Variants in ANO4 observed in about 807,000 individuals in gnomAD.
ANO4 encodes anoctamin 4.
In ANO4, 69 loss-of-function variants were observed where a neutral mutation model predicts 141.9. The observed-to-expected ratio is 0.49, with a 90% confidence interval of 0.40 to 0.59. The LOEUF is 0.59. Among genes scored for constraint, ANO4 ranks in the 20% least tolerant of loss-of-function variants. The pLI is 0.00. For synonymous variants in ANO4, 350 were observed against 394.3 expected (o/e 0.89, Z 1.33); for missense variants, 894 against 1,162.2 (o/e 0.77, Z 3.36).
At chr12:100,945,314 T>C (rs1354151861) in intron 5 of ANO4, among the ~76,000 whole-genome samples, 5 of 152,226 alleles carry the variant, frequency 3.3e-5, no homozygotes, top group Non-Finnish European at 1.5e-5. Flanking sequence ...TAGTCAAGTT[T>C]AATCTTTCTT....
At position 100,998,193 on chromosome 12, in the gene ANO4, G is replaced by A. The variant is rs117392700; in HGVS notation, c.734+10523G>A. 1.7e-3 allele frequency among the ~76,000 whole-genome samples: 262 copies of A among 152,238 alleles called. 4 individuals carry two copies. In the East Asian group the frequency reaches 0.025, roughly 14 times the overall value. The stretch of plus-strand genomic sequence containing the variant: ...ATAAAGCAGGCAGAAAAAACGTGAA[G>A]AGGCGAGACTGGCCTAGTCTCCTAG... On this transcript the variant is annotated intron_variant, in intron 8 of 27. Transcript: ENST00000392977.
At chr12:100,767,524 T>C (rs1443402030) in intron 3 of ANO4, among the ~76,000 whole-genome samples, 1 of 152,212 alleles carries the variant, frequency 6.6e-6, no homozygotes, top group Non-Finnish European at 1.5e-5. Flanking sequence ...ACCATGATGG[T>C]TAATCTGATA....
chr12:101,120,919 C>T (rs146454653), intron 26 of ANO4, among the ~76,000 whole-genome samples: 3 of 152,182 alleles, frequency 2.0e-5, no homozygotes, highest in Non-Finnish European at 4.4e-5. Flanking sequence ...GCAGTTTTTC[C>T]ATCCTCACTC....
intron 1 of ANO4, among the ~76,000 whole-genome samples, chr12:100,795,302 C>T (rs894463355): frequency 6.6e-6 from 1 of 152,152 alleles, no homozygotes; most frequent in Non-Finnish European, 1.5e-5. Context: ...AATGTGTTCA[C>T]GATGGTAAAC....
chr12:100,722,710 G>C (rs12320665), intron 1 of ANO4, among the ~76,000 whole-genome samples: 1 of 152,126 alleles, frequency 6.6e-6, no homozygotes, highest in African/African-American at 2.4e-5. Flanking sequence ...CTTGTGCCTC[G>C]CACAGTGCCT....
intron 3 of ANO4, among the ~76,000 whole-genome samples, chr12:100,745,291 A>G (rs1440002380): frequency 6.6e-6 from 1 of 152,104 alleles, no homozygotes; most frequent in Non-Finnish European, 1.5e-5. Context: ...TTCAAACTCA[A>G]TTAAGAGTTT....
chr12:100,966,826 TACACATATATATAC>T (rs1259752025), intron 5 of ANO4, among the ~76,000 whole-genome samples: 3 of 130,734 alleles, frequency 2.3e-5, no homozygotes, highest in African/African-American at 6.3e-5. Flanking sequence ...CATATATATA[TACACATATATATAC>T]ACACACACAT....
chr12:101,035,531 C>G (rs1227834863), intron 9 of ANO4, among the ~76,000 whole-genome samples: 1 of 152,140 alleles, frequency 6.6e-6, no homozygotes, highest in Non-Finnish European at 1.5e-5. Context: ...GATTGTTATA[C>G]CTCAGTAAAG....
In ANO4 at chr12:100,978,589, T is replaced by G. The variant is rs186039454; in HGVS notation, c.602+3700T>G. On this transcript the variant is annotated intron_variant, in intron 7 of 27. Transcript: ENST00000392977. The stretch of plus-strand genomic sequence containing the variant: ...TTCTTCTTTAAAATAAGCTATAATC[T>G]CTATCTCTTTAGTTTTCACTCTTTG... Among the ~76,000 whole-genome samples the G allele has an allele frequency of 8.5e-5, 13 of 152,330 alleles. No individual in the cohort carries two copies. In the East Asian group the frequency reaches 2.3e-3, roughly 27 times the overall value.
intron 5 of ANO4, among the ~76,000 whole-genome samples, chr12:100,943,724 TTG>T (rs1384454355): frequency 8.4e-5 from 8 of 95,228 alleles, no homozygotes; most frequent in African/African-American, 2.1e-4. Context: ...ATTAAAAATG[TTG>T]TTTCTTCCAC....
chr12:101,066,226 A>G (rs1247756271), intron 14 of ANO4, among the ~76,000 whole-genome samples: 2 of 152,238 alleles, frequency 1.3e-5, no homozygotes, highest in African/African-American at 2.4e-5. Flanking sequence ...CGCTTTCACC[A>G]CTGTTATTCA....
At chr12:100,828,984 C>T (rs750256855) in intron 1 of ANO4, among the ~76,000 whole-genome samples, 2 of 151,438 alleles carry the variant, frequency 1.3e-5, no homozygotes, top group Non-Finnish European at 2.9e-5. Context: ...TGTGCCACTG[C>T]ACTCCAGCCT....
chr12:100,800,504 T>C (rs530577225), intron 1 of ANO4, among the ~76,000 whole-genome samples: 1 of 152,362 alleles, frequency 6.6e-6, no homozygotes, highest in South Asian at 2.1e-4. Context: ...CATTGAGAAA[T>C]TCTTTTCGTA....
intron 1 of ANO4, among the ~76,000 whole-genome samples, chr12:100,884,070 A>C (rs1212827660): frequency 1.3e-5 from 2 of 152,232 alleles, no homozygotes; most frequent in Admixed American, 1.3e-4. Flanking sequence ...GGGTTCTATG[A>C]ATTAATCATT....
intron 3 of ANO4, among the ~76,000 whole-genome samples, chr12:100,936,079 G>A (rs761505376): frequency 6.6e-6 from 1 of 152,132 alleles, no homozygotes; most frequent in Non-Finnish European, 1.5e-5. Flanking sequence ...GGTTGGCTTA[G>A]TATCACCTAT....
intron 11 of ANO4, among the ~76,000 whole-genome samples, chr12:101,041,088 G>A (rs1428510591): frequency 6.6e-6 from 1 of 152,014 alleles, no homozygotes; most frequent in Non-Finnish European, 1.5e-5. Context: ...ATTAAGATTG[G>A]GTAATAACAA....
At chr12:100,738,930 C>CAT (rs1437075040) in intron 2 of ANO4, among the ~76,000 whole-genome samples, 1 of 151,132 alleles carries the variant, frequency 6.6e-6, no homozygotes, top group Non-Finnish European at 1.5e-5. Flanking sequence ...AACTTAATTA[C>CAT]AACTTGGTAC....
chr12:100,727,331 G>T (rs899812900), intron 1 of ANO4, among the ~76,000 whole-genome samples: 2 of 151,976 alleles, frequency 1.3e-5, no homozygotes, highest in Admixed American at 1.3e-4. Context: ...TGCTTCATAG[G>T]TTTCAGATTA....
chr12:100,943,184 A>G lies in ANO4; in HGVS notation c.456+649A>G, dbSNP rs764480418. On this transcript the variant is annotated intron_variant, in intron 5 of 27. Transcript: ENST00000392977. The stretch of plus-strand genomic sequence containing the variant: ...TCTGATAGTAATCCATGATGGGCTT[A>G]TGGTGTTCTCAGGAATACTGTGCAC... Among the ~76,000 whole-genome samples, 3 of 152,220 alleles carry G rather than the reference A, an allele frequency of 2.0e-5. No individual in the cohort carries two copies. The East Asian group carries it at 5.8e-4, about 29-fold the overall frequency.
Sources: gnomAD v4.1 joint callset for allele counts (sites outside exome capture counted in the v4.1 genomes callset) on GRCh38, gnomAD v4.1.1 for gene constraint, MANE v1.5 for transcripts, NCBI Gene and HGNC (gene_info 2026-07-23, HGNC 2026-07-21) for gene names.